Variants in ACOXL observed in about 807,000 individuals in gnomAD.
ACOXL encodes the protein acyl-coenzyme A oxidase-like protein.
In ACOXL, 70 loss-of-function variants were observed where a neutral mutation model predicts 71.9. The ratio of observed to expected loss-of-function variants is 0.97; its 90% CI spans 0.80 to 1.19. The LOEUF (loss-of-function observed/expected upper bound fraction) is 1.19, where lower values mean the gene tolerates loss of function less well. ACOXL is among the 50% of genes most tolerant of loss of function. ACOXL has a pLI of 0.00. For synonymous variants in ACOXL, 253 were observed against 281.6 expected (o/e 0.90, Z 1.02); for missense variants, 703 against 736.3 (o/e 0.95, Z 0.52).
At chr2:110,960,324 T>G (rs1383525623) in intron 12 of ACOXL, among the ~76,000 whole-genome samples, 1 of 152,208 alleles carries the variant, frequency 6.6e-6, no homozygotes, top group Non-Finnish European at 1.5e-5. Flanking sequence ...TTGTATGTAG[T>G]GCATACGAAA....
rs374358756 is a variant in ACOXL at position 111,092,823 on chromosome 2, ATTGCTAT to A, written c.1441-38_1441-32del. 1.0e-3 allele frequency: 1,390 copies of A among 1,360,046 alleles called. 20 individuals carry two copies. The African/African-American group carries it at 0.018, about 18-fold the overall frequency. The allele number at this position is 1,360,046 out of a possible 1,614,324, so 84.2% of individuals were successfully genotyped here. Reference sequence around the variant, plus strand: ...CCTTAGATTTTGTGTTTTCTAATATATTGCTATTTGTCCATTTCTTTTGTTTTCCCCC... The same window carrying A: ...CCTTAGATTTTGTGTTTTCTAATATATTGTCCATTTCTTTTGTTTTCCCCC... On this transcript the variant is annotated intron_variant, in intron 16 of 17. Coordinates refer to ENST00000439055, the MANE Select transcript of ACOXL (RefSeq NM_001142807.4).
chr2:110,865,007 C>T (rs914486083), intron 10 of ACOXL, among the ~76,000 whole-genome samples: 8 of 146,866 alleles, frequency 5.4e-5, no homozygotes, highest in Non-Finnish European at 1.1e-4. Context: ...ACAGGAAGGC[C>T]GTTGCCTTCC....
chr2:110,874,928 C>T (rs1472250207), intron 10 of ACOXL, among the ~76,000 whole-genome samples: 6 of 152,152 alleles, frequency 3.9e-5, no homozygotes, highest in Non-Finnish European at 2.9e-5. Flanking sequence ...TCGCCGAGGT[C>T]TCTCTCTCCT....
chr2:111,015,884 A>G (rs959850153), intron 14 of ACOXL, among the ~76,000 whole-genome samples: 2 of 152,182 alleles, frequency 1.3e-5, no homozygotes, highest in East Asian at 1.9e-4. Flanking sequence ...TTAATACTGT[A>G]TAATTCCATT....
intron 12 of ACOXL, among the ~76,000 whole-genome samples, chr2:110,950,155 T>C (rs1331622810): frequency 2.6e-5 from 4 of 152,162 alleles, no homozygotes; most frequent in South Asian, 2.1e-4. Context: ...TTAGGAGATA[T>C]ACCTAATGCT....
intron 12 of ACOXL, among the ~76,000 whole-genome samples, chr2:110,937,842 T>A (rs931256): frequency 0.67 from 102,444 of 152,108 alleles, 35,189 homozygotes; most frequent in East Asian, 0.84. Flanking sequence ...CAGTTTTTCC[T>A]TACATAATAT....
intron 12 of ACOXL, among the ~76,000 whole-genome samples, chr2:110,962,937 A>G (rs1326926299): frequency 1.3e-5 from 2 of 152,204 alleles, no homozygotes; most frequent in Non-Finnish European, 2.9e-5. Flanking sequence ...AGAGGCCCTC[A>G]GAAGGGGAAG....
rs370137046 is a variant in ACOXL, at chr2:110,747,915, G to T, written c.-23+15141G>T. Among the ~76,000 whole-genome samples, 8 of 152,084 alleles carry T rather than the reference G, an allele frequency of 5.3e-5. No homozygotes were observed. In the East Asian group the frequency reaches 1.5e-3, roughly 29 times the overall value. ...CTCCTCCTGGGGGCCTCCTCTCTCT[G>T]CCCACATATGCCCCTCTTATTGGCA... On this transcript the variant is annotated intron_variant, in intron 1 of 17. Transcript: ENST00000439055.
intron 9 of ACOXL, among the ~76,000 whole-genome samples, chr2:110,840,830 C>T (rs999641): frequency 0.25 from 38,378 of 152,184 alleles, 5,301 homozygotes; most frequent in East Asian, 0.3. Context: ...GAGGCTTGCC[C>T]GCCTTGAGCT....
chr2:110,932,018 A>C (rs1268308982), intron 11 of ACOXL, among the ~76,000 whole-genome samples: 1 of 152,274 alleles, frequency 6.6e-6, no homozygotes, highest in Non-Finnish European at 1.5e-5. Context: ...AACTGGAAAC[A>C]ACCAAAATGT....
intron 16 of ACOXL, among the ~76,000 whole-genome samples, chr2:111,079,616 T>G (rs2067790144): frequency 6.6e-6 from 1 of 152,088 alleles, no homozygotes; most frequent in African/African-American, 2.4e-5. Context: ...GGAAAAAGAG[T>G]TAAACTCACT....
In ACOXL at chr2:110,768,459, G is replaced by C; in HGVS notation, c.70G>C (p.Asp24His). The change falls in exon 2 of 18, where the codon GAT becomes CAT. Residue 24 changes from aspartate to histidine, a missense_variant. By Grantham distance (81) the Asp-to-His change is moderately conservative. Transcript: ENST00000439055. ...GCCTCTGTTAAAACGTGCAGGTCAG[G>C]ATCTGGTAAGTGTCATTATTATTCT... is the stretch of plus-strand genomic sequence containing the variant. ...DLPLLKRAGQDLAEKTKNFVS... is the reference protein window; with the variant it reads ...DLPLLKRAGQHLAEKTKNFVS... 1.2e-6 allele frequency: 2 copies of C among 1,611,596 alleles called. No homozygotes were observed. Among genetic ancestry groups the C allele is most frequent in the Non-Finnish European group, 1.7e-6 (2 of 1,179,228 alleles).
At chr2:110,872,554 A>G (rs983202276) in intron 10 of ACOXL, among the ~76,000 whole-genome samples, 6 of 152,336 alleles carry the variant, frequency 3.9e-5, no homozygotes, top group African/African-American at 1.4e-4. Context: ...TTGATGGGAG[A>G]GTAGCCTCTC....
chr2:110,834,388 A>T (rs1347827082), intron 9 of ACOXL, among the ~76,000 whole-genome samples: 1 of 152,238 alleles, frequency 6.6e-6, no homozygotes, highest in African/African-American at 2.4e-5. Context: ...ACCCTTCATT[A>T]TCAAGAGAAG....
At position 110,841,415 on chromosome 2, in the gene ACOXL, T is replaced by A; in HGVS notation, c.788+10T>A. On this transcript the variant is annotated intron_variant, in intron 10 of 17. Coordinates refer to ENST00000439055, the MANE Select transcript of ACOXL (RefSeq NM_001142807.4). ...TTCGCTATAGCCACAGGTAAATGTT[T>A]ACATTTTTGTTTCTTTTAAGAATTA... The A allele has an allele frequency of 6.2e-7, 1 of 1,606,316 alleles. No individual in the cohort carries two copies. Among genetic ancestry groups the A allele is most frequent in the Non-Finnish European group, 8.5e-7 (1 of 1,175,022 alleles).
intron 11 of ACOXL, among the ~76,000 whole-genome samples, chr2:110,915,363 TG>T (rs1396619429): frequency 2.9e-5 from 4 of 139,316 alleles, no homozygotes; most frequent in African/African-American, 1.1e-4. Context: ...TGTGTGTGTG[TG>T]TGTGTGTGTG....
Position 111,117,768 on chromosome 2 carries a change from A to G in ACOXL, c.1695A>G (p.Pro565=). ...ACCCTGCACCGCTGCAGCCGCGGCC[A>G]CGGGAAGAGGCGCGCTCCCGGCGGC... ...AFYPAPLQPR[P]REEARSRRPK... Residue 565 remains proline (P), a synonymous_variant, in exon 18 of 18, where the codon CCA becomes CCG. Transcript: ENST00000439055. 1 of 1,551,300 alleles carries G rather than the reference A, an allele frequency of 6.4e-7. No individual in the cohort carries two copies. The highest frequency in any genetic ancestry group is 8.7e-7 in the Non-Finnish European group (1 of 1,146,898).
At position 110,785,318 on chromosome 2, in the gene ACOXL, C is replaced by G. The variant is rs138088928; in HGVS notation, c.159+503C>G. 9.0e-3 allele frequency among the ~76,000 whole-genome samples: 1,366 copies of G among 152,012 alleles called. 10 individuals are homozygous for G. Among genetic ancestry groups the G allele is most frequent in the Non-Finnish European group, 0.015 (1,046 of 67,994 alleles). On this transcript the variant is annotated intron_variant, in intron 3 of 17. Coordinates refer to ENST00000439055, the MANE Select transcript of ACOXL (RefSeq NM_001142807.4). ...TCAGGAAATCAATATTAGTACAGCA[C>G]TGTTAGGACATAGACCCTATTCAGA... is the stretch of plus-strand genomic sequence containing the variant.
At chr2:110,992,611 G>A (rs918788923) in intron 13 of ACOXL, among the ~76,000 whole-genome samples, 3 of 152,182 alleles carry the variant, frequency 2.0e-5, no homozygotes, top group African/African-American at 7.2e-5. Flanking sequence ...AGTCAGTCAT[G>A]GTACTGAAAA....
Sources: gnomAD v4.1 joint callset for allele counts (sites outside exome capture counted in the v4.1 genomes callset) on GRCh38, gnomAD v4.1.1 for gene constraint, MANE v1.5 for transcripts, NCBI Gene and HGNC (gene_info 2026-07-23, HGNC 2026-07-21) for gene names.